PLCB1: variants seen among roughly 807,000 people sequenced by gnomAD.
PLCB1 encodes the protein 1-phosphatidylinositol 4,5-bisphosphate phosphodiesterase beta-1.
In PLCB1, 46 loss-of-function variants were observed where a neutral mutation model predicts 161.8. The observed-to-expected ratio is 0.28, with a 90% CI of 0.22 to 0.36. The LOEUF is 0.36. PLCB1 is among the 10% of genes least tolerant of loss of function. PLCB1 has a pLI of 1.00. For synonymous variants in PLCB1, 517 were observed against 503.7 expected (o/e 1.03, Z -0.35); for missense variants, 1,016 against 1,472.5 (o/e 0.69, Z 5.07).
intron 3 of PLCB1, among the ~76,000 whole-genome samples, chr20:8,552,575 G>A (rs1037652587): frequency 2.6e-5 from 4 of 152,182 alleles, no homozygotes; most frequent in African/African-American, 9.6e-5. Context: ...GCCTGCTAGT[G>A]TACAATGGAT....
chr20:8,579,330 T>C (rs1257098524), intron 3 of PLCB1, among the ~76,000 whole-genome samples: 1 of 152,110 alleles, frequency 6.6e-6, no homozygotes, highest in Non-Finnish European at 1.5e-5. Flanking sequence ...TAGAGCTGAG[T>C]ATCCACAGTT....
At chr20:8,239,843 T>C (rs1174349132) in intron 2 of PLCB1, among the ~76,000 whole-genome samples, 1 of 152,010 alleles carries the variant, frequency 6.6e-6, no homozygotes, top group African/African-American at 2.4e-5. Flanking sequence ...AAAATGGGTT[T>C]TTGTTGATGT....
chr20:8,850,847 T>C (rs1260596642), intron 31 of PLCB1, among the ~76,000 whole-genome samples: 1 of 152,226 alleles, frequency 6.6e-6, no homozygotes, highest in Admixed American at 6.5e-5. Context: ...TAAGATATTA[T>C]GTTATAGCAG....
intron 2 of PLCB1, among the ~76,000 whole-genome samples, chr20:8,290,273 T>G (rs891689359): frequency 6.6e-6 from 1 of 152,120 alleles, no homozygotes; most frequent in Non-Finnish European, 1.5e-5. Flanking sequence ...CAGGAGGAGA[T>G]TCCGAGACAA....
chr20:8,595,024 C>CAT (rs1987284387), intron 3 of PLCB1, among the ~76,000 whole-genome samples: 1 of 152,052 alleles, frequency 6.6e-6, no homozygotes, highest in Non-Finnish European at 1.5e-5. Flanking sequence ...ATATAGACTA[C>CAT]ATAACATATG....
chr20:8,198,453 C>T (rs1029591939), intron 2 of PLCB1, among the ~76,000 whole-genome samples: 10 of 151,984 alleles, frequency 6.6e-5, no homozygotes, highest in Non-Finnish European at 1.5e-4. Flanking sequence ...CTGTGACAAC[C>T]AAGGAAAAGA....
chr20:8,529,099 T>A (rs1984697799), intron 3 of PLCB1, among the ~76,000 whole-genome samples: 1 of 152,112 alleles, frequency 6.6e-6, no homozygotes, highest in African/African-American at 2.4e-5. Flanking sequence ...TGTACTGAAA[T>A]TTTTAACTTG....
At chr20:8,167,484 T>C (rs1600211929) in intron 2 of PLCB1, among the ~76,000 whole-genome samples, 1 of 152,316 alleles carries the variant, frequency 6.6e-6, no homozygotes, top group East Asian at 1.9e-4. Context: ...ACCTGGTAAA[T>C]GAGCCCAGGT....
chr20:8,157,463 A>G (rs897020890), intron 2 of PLCB1, among the ~76,000 whole-genome samples: 1 of 152,198 alleles, frequency 6.6e-6, no homozygotes, highest in Admixed American at 6.5e-5. Context: ...TAGTTTAGCC[A>G]CTAAGCCAAG....
rs759955379 is a variant in PLCB1 at position 8,741,101 on chromosome 20, C to T, written c.2414-363C>T. Among the ~76,000 whole-genome samples the T allele has an allele frequency of 6.4e-4, 98 of 152,152 alleles. 4 individuals carry two copies. Among genetic ancestry groups the T allele is most frequent in the Admixed American group, 7.2e-4 (11 of 15,278 alleles). On this transcript the variant is annotated intron_variant, in intron 22 of 31. Coordinates refer to ENST00000338037, the MANE Select transcript of PLCB1 (RefSeq NM_015192.4). ...ATAGGACAATTGGGTGGGCCATTGC[C>T]GGAATGGATGGGACCTTCAAAAAGA...
intron 3 of PLCB1, among the ~76,000 whole-genome samples, chr20:8,547,958 A>G (rs186582663): frequency 2.0e-5 from 3 of 152,090 alleles, no homozygotes; most frequent in Non-Finnish European, 4.4e-5. Flanking sequence ...CTCTTCTCCC[A>G]TCTCTTCCCT....
intron 3 of PLCB1, among the ~76,000 whole-genome samples, chr20:8,588,639 G>T (rs1487236813): frequency 6.6e-6 from 1 of 152,106 alleles, no homozygotes; most frequent in East Asian, 1.9e-4. Flanking sequence ...GCTGTGTGAG[G>T]ACACAGCAAG....
chr20:8,358,171 G>T (rs1379951407), intron 2 of PLCB1, among the ~76,000 whole-genome samples: 1 of 137,912 alleles, frequency 7.3e-6, no homozygotes, highest in East Asian at 1.9e-4. Flanking sequence ...GTTGAACCTA[G>T]CATACCTGCT....
At chr20:8,693,769 T>A (rs950887398) in intron 10 of PLCB1, among the ~76,000 whole-genome samples, 2 of 152,184 alleles carry the variant, frequency 1.3e-5, no homozygotes, top group Non-Finnish European at 2.9e-5. Flanking sequence ...GTTTTTTCTA[T>A]CCCTGGATGC....
chr20:8,440,302 C>T (rs1950687040), intron 3 of PLCB1, among the ~76,000 whole-genome samples: 1 of 152,060 alleles, frequency 6.6e-6, no homozygotes, highest in Non-Finnish European at 1.5e-5. Context: ...TTTGTGACTC[C>T]CATAGCTAGT....
At chr20:8,263,015 C>T (rs1280215270) in intron 2 of PLCB1, among the ~76,000 whole-genome samples, 1 of 152,156 alleles carries the variant, frequency 6.6e-6, no homozygotes, top group Non-Finnish European at 1.5e-5. Context: ...AGGGCTTCAA[C>T]AAATGAATTT....
intron 3 of PLCB1, among the ~76,000 whole-genome samples, chr20:8,437,084 C>A (rs1281043062): frequency 2.6e-5 from 4 of 152,170 alleles, no homozygotes; most frequent in Admixed American, 2.6e-4. Context: ...GCCACCGAGC[C>A]TGGTCCGTAA....
intron 2 of PLCB1, among the ~76,000 whole-genome samples, chr20:8,220,013 G>T (rs1979323400): frequency 6.6e-6 from 1 of 152,100 alleles, no homozygotes; most frequent in African/African-American, 2.4e-5. Flanking sequence ...CAATAAGAAT[G>T]CAATACATCT....
chr20:8,482,000 G>T (rs911627911), intron 3 of PLCB1, among the ~76,000 whole-genome samples: 3 of 151,216 alleles, frequency 2.0e-5, no homozygotes, highest in South Asian at 4.2e-4. Flanking sequence ...ATGAACATTC[G>T]CAGCTTGAAG....
Sources: gnomAD v4.1 joint callset for allele counts (sites outside exome capture counted in the v4.1 genomes callset) on GRCh38, gnomAD v4.1.1 for gene constraint, MANE v1.5 for transcripts, NCBI Gene and HGNC (gene_info 2026-07-23, HGNC 2026-07-21) for gene names.